The following RALYL variants were observed in gnomAD, a reference collection of about 807,000 sequenced individuals.
RALYL encodes RALY RNA binding protein like, also known as RNA-binding Raly-like protein.
In RALYL, 29 loss-of-function variants were observed where a neutral mutation model predicts 35.1. The ratio of observed to expected loss-of-function variants is 0.83; its 90% CI spans 0.61 to 1.13. The LOEUF is 1.13. Ranked by LOEUF, RALYL falls within the 50% of genes most tolerant of loss-of-function variation. The pLI is 0.00. For missense variants in RALYL, 359 were observed against 360.4 expected, an observed-to-expected ratio of 1.00 and a Z score of 0.03; for synonymous variants, 120 against 127.6, an observed-to-expected ratio of 0.94 and a Z score of 0.40.
chr8:84,584,387 G>A (rs552985447), intron 2 of RALYL, among the ~76,000 whole-genome samples: 3 of 152,000 alleles, frequency 2.0e-5, no homozygotes, highest in African/African-American at 4.8e-5. Context: ...AGTGGATCAC[G>A]TGGTCAAGAG....
chr8:84,677,777 G>A lies in RALYL; in HGVS notation c.257-96802G>A, dbSNP rs112019026. On this transcript the variant is annotated intron_variant, in intron 2 of 8. Transcript: ENST00000521268. Reference sequence around the variant, plus strand: ...AAGCTATGGCTAACCCAGCTCCCACGTGAAATGACTTTTTTTATGACATTT... The same window carrying A: ...AAGCTATGGCTAACCCAGCTCCCACATGAAATGACTTTTTTTATGACATTT... Among the ~76,000 whole-genome samples the A allele has an allele frequency of 4.1e-3, 625 of 152,242 alleles. 2 individuals carry two copies. The highest frequency in any genetic ancestry group is 6.4e-3 in the Non-Finnish European group (434 of 67,998).
Position 84,368,825 on chromosome 8 carries a change from C to A in RALYL, c.-23-160474C>A, listed in dbSNP as rs117544809. Among the ~76,000 whole-genome samples the A allele has an allele frequency of 6.6e-3, 1,005 of 152,232 alleles. 7 individuals are homozygous for A. Among genetic ancestry groups the A allele is most frequent in the Non-Finnish European group, 8.5e-3 (581 of 68,028 alleles). ...AGATATGGGTGGGGACACAACCAAA[C>A]CATATCAGTCAGCAACCCATAATCA... On this transcript the variant is annotated intron_variant, in intron 1 of 8. Coordinates refer to ENST00000521268, the MANE Select transcript of RALYL (RefSeq NM_173848.7).
At chr8:84,544,653 A>G (rs11783130) in intron 2 of RALYL, among the ~76,000 whole-genome samples, 1,575 of 152,236 alleles carry the variant, frequency 0.01, 9 homozygotes, top group Non-Finnish European at 0.018. Context: ...CATAGGGTAC[A>G]CTGAGATAGA....
chr8:84,848,340 T>A (rs1048951839), intron 4 of RALYL, among the ~76,000 whole-genome samples: 2 of 151,916 alleles, frequency 1.3e-5, no homozygotes, highest in African/African-American at 4.8e-5. Context: ...AATATTTACA[T>A]ATATTTTAAT....
intron 2 of RALYL, among the ~76,000 whole-genome samples, chr8:84,761,936 T>C (rs1662664743): frequency 6.6e-6 from 1 of 151,980 alleles, no homozygotes; most frequent in Admixed American, 6.6e-5. Flanking sequence ...ATTTGCAATA[T>C]TAAATAGGTG....
At chr8:84,522,601 G>C (rs2058551342) in intron 1 of RALYL, among the ~76,000 whole-genome samples, 1 of 152,092 alleles carries the variant, frequency 6.6e-6, no homozygotes, top group Non-Finnish European at 1.5e-5. Context: ...CTCACTTTAA[G>C]AGATTTTCTC....
chr8:84,311,557 C>T (rs1290826988), intron 1 of RALYL, among the ~76,000 whole-genome samples: 1 of 152,038 alleles, frequency 6.6e-6, no homozygotes, highest in Non-Finnish European at 1.5e-5. Flanking sequence ...ATATAAAGCT[C>T]TATGGACATG....
At chr8:84,224,983 G>A (rs758967255) in intron 1 of RALYL, among the ~76,000 whole-genome samples, 12 of 152,212 alleles carry the variant, frequency 7.9e-5, no homozygotes, top group Non-Finnish European at 1.3e-4. Flanking sequence ...AAACACTTAA[G>A]CACATGTTGA....
chr8:84,879,603 T>C lies in RALYL; in HGVS notation c.685+6206T>C, dbSNP rs187794350. ...TAGCAATATAAACAATATTTAGAGA[T>C]AGGAGTGCATGTATTTAAAAGATTC... On this transcript the variant is annotated intron_variant, in intron 7 of 8. Transcript: ENST00000521268. Among the ~76,000 whole-genome samples, 355 of 152,048 alleles carry C rather than the reference T, an allele frequency of 2.3e-3. 3 individuals are homozygous for C. The highest frequency in any genetic ancestry group is 3.5e-3 in the Non-Finnish European group (235 of 67,952).
chr8:84,494,703 A>G (rs981905126), intron 1 of RALYL, among the ~76,000 whole-genome samples: 1 of 151,890 alleles, frequency 6.6e-6, no homozygotes, highest in Non-Finnish European at 1.5e-5. Context: ...CTGTTTGTCT[A>G]CTATTGGTGT....
At chr8:84,204,734 A>T (rs1817676631) in intron 1 of RALYL, among the ~76,000 whole-genome samples, 1 of 152,188 alleles carries the variant, frequency 6.6e-6, no homozygotes, top group Non-Finnish European at 1.5e-5. Context: ...CTCCAATTTC[A>T]TTATAAAGCT....
chr8:84,621,923 A>G (rs1280893099), intron 2 of RALYL, among the ~76,000 whole-genome samples: 2 of 152,204 alleles, frequency 1.3e-5, no homozygotes, highest in Non-Finnish European at 2.9e-5. Context: ...CCAATTTACT[A>G]TGACTTTTTG....
intron 2 of RALYL, among the ~76,000 whole-genome samples, chr8:84,562,291 C>T (rs550809484): frequency 2.3e-4 from 35 of 151,924 alleles, no homozygotes; most frequent in South Asian, 4.1e-4. Flanking sequence ...GAACTGTAGC[C>T]GGCCAGCAAG....
chr8:84,388,550 A>T (rs1586782289), intron 1 of RALYL, among the ~76,000 whole-genome samples: 1 of 152,180 alleles, frequency 6.6e-6, no homozygotes, highest in East Asian at 1.9e-4. Flanking sequence ...GTGTGAGATG[A>T]TATCTCATTG....
intron 4 of RALYL, among the ~76,000 whole-genome samples, chr8:84,833,236 A>G (rs1831277129): frequency 2.0e-5 from 3 of 152,338 alleles, no homozygotes; most frequent in South Asian, 4.1e-4. Context: ...CTAAAAGTGC[A>G]CTGACACATA....
chr8:84,304,199 C>A (rs1841359073), intron 1 of RALYL, among the ~76,000 whole-genome samples: 1 of 152,024 alleles, frequency 6.6e-6, no homozygotes, highest in Non-Finnish European at 1.5e-5. Flanking sequence ...CTCACTGCGA[C>A]CTCCACCTCC....
At chr8:84,708,504 A>T (rs1418858596) in intron 2 of RALYL, among the ~76,000 whole-genome samples, 1 of 152,148 alleles carries the variant, frequency 6.6e-6, no homozygotes, top group Non-Finnish European at 1.5e-5. Context: ...GAGTGGTATT[A>T]AAAAATGTTT....
chr8:84,826,402 G>A (rs1357847552), intron 4 of RALYL, among the ~76,000 whole-genome samples: 5 of 151,902 alleles, frequency 3.3e-5, no homozygotes, highest in Non-Finnish European at 5.9e-5. Flanking sequence ...TGTTTGCTGG[G>A]TATCAGAAAT....
intron 2 of RALYL, among the ~76,000 whole-genome samples, chr8:84,616,388 T>C (rs1268224613): frequency 6.7e-6 from 1 of 149,822 alleles, no homozygotes. Flanking sequence ...GCTGCATAAA[T>C]GTCTTCTTTT....
Sources: gnomAD v4.1 joint callset for allele counts (sites outside exome capture counted in the v4.1 genomes callset) on GRCh38, gnomAD v4.1.1 for gene constraint, MANE v1.5 for transcripts, NCBI Gene and HGNC (gene_info 2026-07-23, HGNC 2026-07-21) for gene names.